Variants in RAP1B observed in about 807,000 individuals in gnomAD.
The protein encoded by RAP1B is ras-related protein Rap-1b.
A neutral mutation model predicts 27.5 loss-of-function variants in RAP1B; 1 was observed. That is an observed-to-expected ratio of 0.04 (90% CI 0.01 to 0.17). The LOEUF is 0.17. Among genes scored for constraint, RAP1B ranks in the 10% least tolerant of loss-of-function variants. RAP1B has a pLI of 1.00. For missense variants in RAP1B, 84 were observed against 214.8 expected (o/e 0.39, Z 3.81); for synonymous variants, 75 against 73.1 (o/e 1.03, Z -0.13).
chr12:68,649,026 T>G (rs1478894272), intron 2 of RAP1B: 1 of 431,552 alleles, frequency 2.3e-6, no homozygotes, highest in Non-Finnish European at 4.1e-6. Flanking sequence ...AGCACAGAGA[T>G]TGAGAGCGTA....
At position 68,662,027 on chromosome 12, in the gene RAP1B, TATATATTA is replaced by T. The variant is rs1383919096; in HGVS notation, c.*2779_*2786del. 2 of 145,802 alleles carry T rather than the reference TATATATTA, an allele frequency of 1.4e-5. No homozygotes were observed. The highest frequency in any genetic ancestry group is 2.0e-4 in the East Asian group (1 of 5,042). The allele number at this position is 145,802 out of a possible 1,614,324, so 9.0% of individuals were successfully genotyped here. A position where few individuals can be genotyped will look rare whatever the true frequency, so the allele number is the denominator to read the frequency against. ...CTAGGTCTATATATATATATATATATATATATTATATATAGTACATATATAGAGAGAGT... is the reference window on the plus strand; with the variant it reads ...CTAGGTCTATATATATATATATATATTATATAGTACATATATAGAGAGAGT... On this transcript the variant is annotated 3_prime_UTR_variant, in exon 8 of 8. Transcript: ENST00000250559.
intron 5 of RAP1B, among the ~76,000 whole-genome samples, chr12:68,655,368 A>G (rs1200279714): frequency 6.6e-6 from 1 of 151,984 alleles, no homozygotes; most frequent in Non-Finnish European, 1.5e-5. Context: ...AATTTTAGCA[A>G]ATATTGTGAG....
chr12:68,620,826 G>A (rs982332191), intron 1 of RAP1B, among the ~76,000 whole-genome samples: 16 of 152,148 alleles, frequency 1.1e-4, no homozygotes, highest in East Asian at 1.9e-4. Flanking sequence ...TGGCCTAATC[G>A]GTTCTTCCAC....
intron 1 of RAP1B, among the ~76,000 whole-genome samples, chr12:68,633,647 G>T (rs1283663002): frequency 6.6e-6 from 1 of 152,158 alleles, no homozygotes; most frequent in East Asian, 1.9e-4. Context: ...GAGGCAGGCG[G>T]CTCTTGAGGT....
At chr12:68,614,162 T>G (rs1489854540) in intron 1 of RAP1B, among the ~76,000 whole-genome samples, 1 of 151,954 alleles carries the variant, frequency 6.6e-6, no homozygotes, top group Non-Finnish European at 1.5e-5. Context: ...CACGTTCAGG[T>G]TTTTTTTGCC....
intron 1 of RAP1B, chr12:68,642,766 C>G: frequency 9.4e-7 from 1 of 1,066,636 alleles, no homozygotes; most frequent in East Asian, 2.4e-5. Flanking sequence ...CGGGAACCTT[C>G]AGGGCATTAA....
chr12:68,617,590 C>G (rs1374937766), intron 1 of RAP1B, among the ~76,000 whole-genome samples: 1 of 152,138 alleles, frequency 6.6e-6, no homozygotes, highest in Non-Finnish European at 1.5e-5. Context: ...AAATGAGTAT[C>G]ATCCGTAATG....
intron 7 of RAP1B, chr12:68,657,572 T>G (rs1319826373): frequency 1.3e-5 from 2 of 159,652 alleles, no homozygotes; most frequent in Non-Finnish European, 2.7e-5. Flanking sequence ...GCCCGGCTAG[T>G]TTTTTTGTAT....
Position 68,665,955 on chromosome 12 carries a change from G to A in RAP1B, c.*6706G>A, listed in dbSNP as rs1874831043. The A allele has an allele frequency of 6.6e-6, 1 of 151,994 alleles. No homozygotes were observed. Among genetic ancestry groups the A allele is most frequent in the Admixed American group, 6.6e-5 (1 of 15,238 alleles). The allele number at this position is 151,994 out of a possible 1,614,324, so 9.4% of individuals were successfully genotyped here. A position where few individuals can be genotyped will look rare whatever the true frequency, so the allele number is the denominator to read the frequency against. ...TGCAACCTCCGCCTCCCAGGTTCAA[G>A]CAGTTCTCTGCCTCAGCCTCCCGAG... On this transcript the variant is annotated 3_prime_UTR_variant, in exon 8 of 8. Coordinates refer to ENST00000250559, the MANE Select transcript of RAP1B (RefSeq NM_001010942.3).
At chr12:68,659,096 T>G (rs1874447392) in intron 7 of RAP1B, among the ~76,000 whole-genome samples, 184 bp from the exon 8 acceptor site, 1 of 152,208 alleles carries the variant, frequency 6.6e-6, no homozygotes, top group Admixed American at 6.5e-5. Context: ...AGAATAGACT[T>G]CATCTTTTTG....
chr12:68,654,305 G>GT, intron 5 of RAP1B, 53 bp downstream of exon 5: 2 of 897,698 alleles, frequency 2.2e-6, no homozygotes, highest in Non-Finnish European at 2.9e-6. Context: ...GATTATAATT[G>GT]TTTAAGTCTA....
chr12:68,626,964 A>G lies in RAP1B; in HGVS notation c.-27+15921A>G, dbSNP rs1871836233. 16 of 1,521,498 alleles carry G rather than the reference A, an allele frequency of 1.1e-5. No individual in the cohort carries two copies. The Admixed American group carries it at 1.2e-4, about 11-fold the overall frequency. The allele number at this position is 1,521,498 out of a possible 1,614,324, so 94.2% of individuals were successfully genotyped here. On this transcript the variant is annotated intron_variant, in intron 1 of 7. Transcript: ENST00000250559. ...TGGGATGAGCCGCTTCTCAGTCACC[A>G]TGTCTTCAAACTCATTGGCATTGAA...
At position 68,662,961 on chromosome 12, in the gene RAP1B, C is replaced by T. The variant is rs1035989910; in HGVS notation, c.*3712C>T. 1 of 151,940 alleles carries T rather than the reference C, an allele frequency of 6.6e-6. No individual in the cohort carries two copies. Among genetic ancestry groups the T allele is most frequent in the Non-Finnish European group, 1.5e-5 (1 of 68,002 alleles). The allele number at this position is 151,940 out of a possible 1,614,324, so 9.4% of individuals were successfully genotyped here. A position where few individuals can be genotyped will look rare whatever the true frequency, so the allele number is the denominator to read the frequency against. ...AACTGTGTTCGCGCCACTGCACCCC[C>T]ACGATGGCAATAGAGTGAGACCCTG... On this transcript the variant is annotated 3_prime_UTR_variant, in exon 8 of 8. Coordinates refer to ENST00000250559, the MANE Select transcript of RAP1B (RefSeq NM_001010942.3).
intron 1 of RAP1B, among the ~76,000 whole-genome samples, chr12:68,643,763 A>G: frequency 6.6e-6 from 1 of 152,126 alleles, no homozygotes; most frequent in Non-Finnish European, 1.5e-5. Context: ...GCATTCTTAT[A>G]ATAATATTGG....
At chr12:68,612,327 A>G (rs1040902658) in intron 1 of RAP1B, among the ~76,000 whole-genome samples, 1 of 152,216 alleles carries the variant, frequency 6.6e-6, no homozygotes, top group African/African-American at 2.4e-5. Flanking sequence ...TAACTTATAG[A>G]AAAGGGAGAC....
intron 1 of RAP1B, chr12:68,642,994 G>A (rs879057459): frequency 1.3e-6 from 1 of 797,852 alleles, no homozygotes; most frequent in Admixed American, 1.7e-5. Context: ...GCCCAGCCAT[G>A]TTGGGATTCT....
intron 1 of RAP1B, among the ~76,000 whole-genome samples, chr12:68,615,739 ATTAC>A (rs1870937986): frequency 6.6e-6 from 1 of 152,222 alleles, no homozygotes; most frequent in Middle Eastern, 3.4e-3. Flanking sequence ...CTTACTTGTA[ATTAC>A]TTTTACTTTA....
chr12:68,617,317 T>C (rs1210073594), intron 1 of RAP1B, among the ~76,000 whole-genome samples: 2 of 152,240 alleles, frequency 1.3e-5, no homozygotes, highest in Non-Finnish European at 2.9e-5. Flanking sequence ...TACTACATTG[T>C]GCCAACATAT....
At chr12:68,656,232 C>A (rs908555870) in intron 5 of RAP1B, 74 bp from the exon 6 acceptor site, 1 of 1,337,922 alleles carries the variant, frequency 7.5e-7, no homozygotes, top group African/African-American at 1.5e-5. Context: ...AGATTTGACT[C>A]TTAGAATTCT....
Sources: allele counts gnomAD v4.1 joint callset (sites outside exome capture counted in the v4.1 genomes callset), GRCh38; gene constraint gnomAD v4.1.1; transcripts MANE v1.5; gene names NCBI Gene and HGNC (gene_info 2026-07-23, HGNC 2026-07-21).